The following NELL1 variants were observed in gnomAD, a reference collection of about 807,000 sequenced individuals.
NELL1 encodes neural EGFL like 1, also known as protein kinase C-binding protein NELL1.
A neutral mutation model predicts 107.4 loss-of-function variants in NELL1; 76 were observed. The ratio of observed to expected loss-of-function variants is 0.71; its 90% CI spans 0.59 to 0.86. The LOEUF is 0.86. Among genes scored for constraint, NELL1 ranks in the 40% least tolerant of loss-of-function variants. NELL1 has a pLI of 0.00. For synonymous variants in NELL1, 353 were observed against 341.2 expected, an observed-to-expected ratio of 1.03 and a Z score of -0.38; for missense variants, 1,024 against 1,005.5, an observed-to-expected ratio of 1.02 and a Z score of -0.25.
chr11:20,850,008 G>C (rs1848767673), intron 4 of NELL1, among the ~76,000 whole-genome samples: 1 of 152,156 alleles, frequency 6.6e-6, no homozygotes, highest in African/African-American at 2.4e-5. Flanking sequence ...CCAAACCACT[G>C]GTTTAGAAAG....
chr11:21,478,197 T>C (rs2133895643), intron 15 of NELL1, among the ~76,000 whole-genome samples: 1 of 152,154 alleles, frequency 6.6e-6, no homozygotes, highest in East Asian at 1.9e-4. Flanking sequence ...GATCTCCTGA[T>C]AAATCCCTCA....
chr11:20,906,177 G>T (rs1579476), intron 5 of NELL1, among the ~76,000 whole-genome samples: 3 of 151,938 alleles, frequency 2.0e-5, no homozygotes, highest in African/African-American at 4.8e-5. Flanking sequence ...GAAATTAAAA[G>T]GATTAAAATA....
chr11:21,397,998 G>A (rs924973137), intron 15 of NELL1, among the ~76,000 whole-genome samples: 16 of 150,736 alleles, frequency 1.1e-4, no homozygotes, highest in African/African-American at 3.9e-4. Flanking sequence ...ACGATATTTT[G>A]TTATATCAGG....
intron 2 of NELL1, among the ~76,000 whole-genome samples, chr11:20,724,489 G>C (rs1013719405): frequency 5.3e-5 from 8 of 152,118 alleles, no homozygotes; most frequent in African/African-American, 9.7e-5. Context: ...CACTCAAGCT[G>C]AAAGTCCCAT....
chr11:21,499,447 A>C (rs1019679269), intron 15 of NELL1, among the ~76,000 whole-genome samples: 2 of 151,954 alleles, frequency 1.3e-5, no homozygotes, highest in Non-Finnish European at 2.9e-5. Context: ...TATTTTATTT[A>C]CTATATTTTT....
chr11:21,090,339 A>G (rs1473823313), intron 12 of NELL1, among the ~76,000 whole-genome samples: 1 of 152,192 alleles, frequency 6.6e-6, no homozygotes, highest in Non-Finnish European at 1.5e-5. Context: ...TAGTACAGCC[A>G]TGATGTGGAT....
At chr11:20,674,630 C>T (rs922870263) in intron 1 of NELL1, 3 of 1,043,674 alleles carry the variant, frequency 2.9e-6, no homozygotes, top group Admixed American at 4.0e-5. Context: ...TAAATGAATG[C>T]TTTTCTTAAG....
chr11:21,169,119 C>G (rs1856548283), intron 13 of NELL1, among the ~76,000 whole-genome samples: 1 of 151,742 alleles, frequency 6.6e-6, no homozygotes, highest in African/African-American at 2.4e-5. Flanking sequence ...TAAATTATAC[C>G]TTTTAATCTT....
chr11:20,718,378 A>C (rs2133905052), intron 2 of NELL1, among the ~76,000 whole-genome samples: 1 of 152,296 alleles, frequency 6.6e-6, no homozygotes, highest in East Asian at 1.9e-4. Flanking sequence ...CAGAATTTTA[A>C]AAGATGAAAT....
At chr11:21,352,305 G>A (rs1850835583) in intron 14 of NELL1, among the ~76,000 whole-genome samples, 1 of 152,026 alleles carries the variant, frequency 6.6e-6, no homozygotes. Context: ...CTCCACTAGA[G>A]GATAAGTTGC....
At chr11:21,477,018 C>A (rs1438219852) in intron 15 of NELL1, among the ~76,000 whole-genome samples, 1 of 152,120 alleles carries the variant, frequency 6.6e-6, no homozygotes, top group Non-Finnish European at 1.5e-5. Context: ...ACTTGAAATG[C>A]AATCTAGGCT....
intron 12 of NELL1, among the ~76,000 whole-genome samples, chr11:20,978,209 T>C (rs1293057058): frequency 1.3e-5 from 2 of 152,220 alleles, no homozygotes; most frequent in Admixed American, 6.5e-5. Context: ...TCATTTGTCT[T>C]GTTCTGATTC....
intron 2 of NELL1, among the ~76,000 whole-genome samples, chr11:20,756,403 A>G (rs1160300313): frequency 6.6e-6 from 1 of 151,326 alleles, no homozygotes; most frequent in Non-Finnish European, 1.5e-5. Flanking sequence ...CAGTGGTGCT[A>G]TCTAGGCTCA....
intron 15 of NELL1, among the ~76,000 whole-genome samples, chr11:21,494,706 G>T (rs1206257447): frequency 1.3e-5 from 2 of 151,764 alleles, no homozygotes; most frequent in Non-Finnish European, 2.9e-5. Context: ...TTTTATAACT[G>T]CAATAATTTG....
At chr11:20,877,616 C>T (rs771824601) in intron 4 of NELL1, among the ~76,000 whole-genome samples, 3 of 152,114 alleles carry the variant, frequency 2.0e-5, no homozygotes, top group Admixed American at 6.6e-5. Context: ...ACCAAAGTCA[C>T]AAATTAAGAG....
At chr11:21,385,993 C>A (rs72960091) in intron 15 of NELL1, among the ~76,000 whole-genome samples, 13,686 of 151,824 alleles carry the variant, frequency 0.09, 795 homozygotes, top group South Asian at 0.16. Flanking sequence ...TTCCAAGATA[C>A]TTTTCAGACT....
intron 10 of NELL1, among the ~76,000 whole-genome samples, chr11:20,941,303 C>T (rs1232493421): frequency 2.0e-5 from 3 of 152,186 alleles, no homozygotes; most frequent in African/African-American, 4.8e-5. Flanking sequence ...TGTCCAGTGG[C>T]TTTACTTCTT....
intron 12 of NELL1, among the ~76,000 whole-genome samples, chr11:20,963,684 T>G (rs138178935): frequency 0.01 from 1,580 of 152,174 alleles, 23 homozygotes; most frequent in African/African-American, 0.036. Flanking sequence ...CTCTGAGGCT[T>G]CATTCGTTGT....
At chr11:21,495,204 T>C (rs1854945615) in intron 15 of NELL1, among the ~76,000 whole-genome samples, 1 of 152,146 alleles carries the variant, frequency 6.6e-6, no homozygotes, top group African/African-American at 2.4e-5. Flanking sequence ...AGCTACTTTC[T>C]GTCAGCATGG....
Sources: gnomAD v4.1 joint callset for allele counts (sites outside exome capture counted in the v4.1 genomes callset) on GRCh38, gnomAD v4.1.1 for gene constraint, MANE v1.5 for transcripts, NCBI Gene and HGNC (gene_info 2026-07-23, HGNC 2026-07-21) for gene names.